The following GDA variants were observed in gnomAD, a reference collection of about 807,000 sequenced individuals.
GDA encodes cytoplasmic PSD-95 interactor.
GDA carries 18 observed loss-of-function variants against 59.6 expected under a neutral mutation model. The ratio of observed to expected loss-of-function variants is 0.30; its 90% confidence interval spans 0.21 to 0.45. GDA has a LOEUF of 0.45. Among genes scored for constraint, GDA ranks in the 20% least tolerant of loss-of-function variants. The pLI is 1.00. For synonymous variants in GDA, 201 were observed against 201.1 expected (o/e 1.00, Z 0.00); for missense variants, 427 against 552.3 (o/e 0.77, Z 2.27).
intron 1 of GDA, among the ~76,000 whole-genome samples, chr9:72,135,221 C>T (rs1201871113): frequency 3.4e-5 from 5 of 148,440 alleles, no homozygotes; most frequent in Non-Finnish European, 6.0e-5. Context: ...GGCCTACGTA[C>T]GTGTGTGTGT....
At chr9:72,241,358 G>T in intron 11 of GDA, 60 bp downstream of exon 11, 2 of 1,289,046 alleles carry the variant, frequency 1.6e-6, no homozygotes, top group Non-Finnish European at 2.2e-6. Flanking sequence ...GGTGTCTTTG[G>T]ATGTAGTATG....
chr9:72,227,533 T>C (rs1438161937), intron 8 of GDA, among the ~76,000 whole-genome samples: 1 of 151,890 alleles, frequency 6.6e-6, no homozygotes, highest in Admixed American at 6.6e-5. Flanking sequence ...TTTTTTAGAA[T>C]TGGAGCAAGC....
At position 72,162,749 on chromosome 9, in the gene GDA, C is replaced by T. The variant is rs561238429; in HGVS notation, c.123+13067C>T. On this transcript the variant is annotated intron_variant, in intron 1 of 13. Transcript: ENST00000358399. ...CTCGGCTTACTGCAAGCTCCGCCTC[C>T]CGGGTTCACGCCATTCTCCTGCCTC... 3.3e-5 allele frequency among the ~76,000 whole-genome samples: 5 copies of T among 152,162 alleles called. No homozygotes were observed. In the South Asian group the frequency reaches 1.0e-3, roughly 32 times the overall value.
intron 5 of GDA, 93 bp downstream of exon 5, chr9:72,214,084 T>A: frequency 1.3e-6 from 1 of 741,394 alleles, no homozygotes; most frequent in Non-Finnish European, 2.4e-6. Context: ...AGGATACTGT[T>A]ATCACCCAGT....
At chr9:72,239,805 A>T (rs550304833) in intron 10 of GDA, among the ~76,000 whole-genome samples, 1 of 152,246 alleles carries the variant, frequency 6.6e-6, no homozygotes, top group East Asian at 1.9e-4. Flanking sequence ...ATGTAATGAA[A>T]TTTTTTAGAG....
intron 1 of GDA, among the ~76,000 whole-genome samples, chr9:72,152,921 T>C (rs1827401032): frequency 6.6e-6 from 1 of 152,172 alleles, no homozygotes; most frequent in Admixed American, 6.5e-5. Flanking sequence ...TTTATGGTTT[T>C]AGGTCTAACG....
intron 2 of GDA, among the ~76,000 whole-genome samples, chr9:72,198,998 G>A (rs1264477458): frequency 6.6e-6 from 1 of 152,010 alleles, no homozygotes; most frequent in Non-Finnish European, 1.5e-5. Context: ...AAAGAAGGGA[G>A]AAAGGAGAGC....
At chr9:72,140,282 G>C (rs909900223) in intron 1 of GDA, among the ~76,000 whole-genome samples, 4 of 152,178 alleles carry the variant, frequency 2.6e-5, no homozygotes, top group Middle Eastern at 3.2e-3. Flanking sequence ...CTGAATTTGA[G>C]AGTATAAAGT....
downstream of GDA, among the ~76,000 whole-genome samples, chr9:72,255,254 T>C (rs1053213025): frequency 1.2e-4 from 19 of 152,250 alleles, no homozygotes; most frequent in African/African-American, 4.6e-4. Context: ...TGAGGGGCAG[T>C]TTGTTTAGAA....
chr9:72,119,608 A>G (rs887325154), intron 1 of GDA, among the ~76,000 whole-genome samples: 13 of 152,246 alleles, frequency 8.5e-5, no homozygotes, highest in Admixed American at 1.3e-4. Flanking sequence ...TTATTTCACT[A>G]TAATGAGAAG....
chr9:72,210,826 C>A (rs769012935), intron 4 of GDA, 52 bp downstream of exon 4: 3 of 1,108,784 alleles, frequency 2.7e-6, no homozygotes, highest in Non-Finnish European at 4.2e-6. Flanking sequence ...ACAGCCAGAC[C>A]ATCGTGGCAA....
intron 1 of GDA, among the ~76,000 whole-genome samples, chr9:72,187,993 A>G (rs1472133273): frequency 1.3e-5 from 2 of 152,254 alleles, no homozygotes; most frequent in Non-Finnish European, 2.9e-5. Flanking sequence ...ATCTAGCTGA[A>G]GACATATTTA....
At chr9:72,138,041 A>T (rs373952208) in intron 1 of GDA, among the ~76,000 whole-genome samples, 1 of 152,102 alleles carries the variant, frequency 6.6e-6, no homozygotes, top group Non-Finnish European at 1.5e-5. Context: ...TTGTGCTTAT[A>T]TGGGAGGGAG....
chr9:72,124,190 TCTTTATTTGTATCAG>T (rs1378057088), intron 1 of GDA, among the ~76,000 whole-genome samples: 1 of 152,206 alleles, frequency 6.6e-6, no homozygotes, highest in Non-Finnish European at 1.5e-5. Flanking sequence ...GCCCTTTACC[TCTTTATTTGTATCAG>T]CCATGGCACC....
downstream of GDA, chr9:72,253,193 G>C (rs189231195): frequency 6.6e-6 from 1 of 152,018 alleles, no homozygotes; most frequent in African/African-American, 2.4e-5. Flanking sequence ...ACAAGTCTTC[G>C]GATTGCACTG....
intron 10 of GDA, among the ~76,000 whole-genome samples, chr9:72,239,619 A>G (rs1030690246): frequency 6.6e-5 from 10 of 152,078 alleles, no homozygotes; most frequent in Non-Finnish European, 1.0e-4. Flanking sequence ...TTTATATTTA[A>G]CATTTTTGTT....
chr9:72,168,738 A>G (rs1829620841), intron 1 of GDA, among the ~76,000 whole-genome samples: 1 of 152,152 alleles, frequency 6.6e-6, no homozygotes, highest in South Asian at 2.1e-4. Flanking sequence ...AATCTTTTAC[A>G]TATATTAACT....
At chr9:72,221,000 G>T (rs1380889077) in intron 6 of GDA, among the ~76,000 whole-genome samples, 1 of 152,064 alleles carries the variant, frequency 6.6e-6, no homozygotes, top group Non-Finnish European at 1.5e-5. Context: ...TCATCTTTTG[G>T]GGCCTGATAG....
At chr9:72,119,028 A>C (rs1484205853) in intron 1 of GDA, among the ~76,000 whole-genome samples, 2 of 152,206 alleles carry the variant, frequency 1.3e-5, no homozygotes, top group Non-Finnish European at 2.9e-5. Context: ...CAAATGATTA[A>C]AAAAGAAAAC....
Sources: gnomAD v4.1 joint callset for allele counts (sites outside exome capture counted in the v4.1 genomes callset) on GRCh38, gnomAD v4.1.1 for gene constraint, MANE v1.5 for transcripts, NCBI Gene and HGNC (gene_info 2026-07-23, HGNC 2026-07-21) for gene names.